Variants in UTP23 observed in about 807,000 individuals in gnomAD.
UTP23 encodes the protein UTP23 small subunit processome component.
A neutral mutation model predicts 19.8 loss-of-function variants in UTP23; 10 were observed. The ratio of observed to expected loss-of-function variants is 0.50; its 90% CI spans 0.31 to 0.86. The LOEUF is 0.86. UTP23 is among the 40% of genes least tolerant of loss of function. UTP23 has a pLI of 0.05. For synonymous variants in UTP23, 108 were observed against 105.4 expected, an observed-to-expected ratio of 1.02 and a Z score of -0.15; for missense variants, 282 against 293.1, an observed-to-expected ratio of 0.96 and a Z score of 0.28.
chr8:116,772,359 C>CA lies in UTP23; in HGVS notation c.*524dup. ...TCTTACAGTTCTAAAAGGCTTGTGACAAAAAAAGAGGCAGTCCCTCTTTCA... is the reference window on the plus strand; with the variant it reads ...TCTTACAGTTCTAAAAGGCTTGTGACAAAAAAAAGAGGCAGTCCCTCTTTCA... On this transcript the variant is annotated 3_prime_UTR_variant, in exon 3 of 3. Coordinates refer to ENST00000309822, the MANE Select transcript of UTP23 (RefSeq NM_032334.3). 4 of 983,916 alleles carry CA rather than the reference C, an allele frequency of 4.1e-6. No individual in the cohort carries two copies. The highest frequency in any genetic ancestry group is 4.8e-6 in the Non-Finnish European group (4 of 828,656). The allele number at this position is 983,916 out of a possible 1,614,324, so 60.9% of individuals were successfully genotyped here. A position where few individuals can be genotyped will look rare whatever the true frequency, so the allele number is the denominator to read the frequency against.
intron 1 of UTP23, among the ~76,000 whole-genome samples, chr8:116,768,394 A>G (rs367857759): frequency 1.5e-4 from 23 of 152,228 alleles, no homozygotes; most frequent in African/African-American, 5.3e-4. Flanking sequence ...TATATTCTAC[A>G]GCAATTTTTC....
Position 116,773,487 on chromosome 8 carries a change from A to G in UTP23, c.*1645A>G, listed in dbSNP as rs1815685818. On this transcript the variant is annotated 3_prime_UTR_variant, in exon 3 of 3. Coordinates refer to ENST00000309822, the MANE Select transcript of UTP23 (RefSeq NM_032334.3). ...CACTTTTTTATGAAGCAGTAATTATAGAAGTACTAAAAATTACAATGTATT... is the reference window on the plus strand; with the variant it reads ...CACTTTTTTATGAAGCAGTAATTATGGAAGTACTAAAAATTACAATGTATT... 1.0e-6 allele frequency: 1 copy of G among 984,266 alleles called. No individual in the cohort carries two copies. The highest frequency in any genetic ancestry group is 1.2e-6 in the Non-Finnish European group (1 of 828,846). 61.0% of individuals were successfully genotyped at this position (984,266 alleles called of 1,614,324 possible). A position where few individuals can be genotyped will look rare whatever the true frequency, so the allele number is the denominator to read the frequency against.
In UTP23 at chr8:116,771,956, T is replaced by C; in HGVS notation, c.*114T>C. 1 of 1,438,658 alleles carries C rather than the reference T, an allele frequency of 7.0e-7. No individual in the cohort carries two copies. The highest frequency in any genetic ancestry group is 1.7e-5 in the South Asian group (1 of 60,392). 89.1% of individuals were successfully genotyped at this position (1,438,658 alleles called of 1,614,324 possible). Reference sequence around the variant, plus strand: ...TGTAAATGAACCCATATGCTTTAGCTAAAATTAATTATAAAATAAAAACAG... The same window carrying C: ...TGTAAATGAACCCATATGCTTTAGCCAAAATTAATTATAAAATAAAAACAG... On this transcript the variant is annotated 3_prime_UTR_variant, in exon 3 of 3. Coordinates refer to ENST00000309822, the MANE Select transcript of UTP23 (RefSeq NM_032334.3).
chr8:116,767,579 C>CA (rs1181249438), intron 1 of UTP23, among the ~76,000 whole-genome samples: 1 of 152,136 alleles, frequency 6.6e-6, no homozygotes, highest in Non-Finnish European at 1.5e-5. Flanking sequence ...CATTTGAGCC[C>CA]ATTCACTTGT....
rs1586507101 is a variant in UTP23, at chr8:116,772,685, G to A, written c.*843G>A. On this transcript the variant is annotated 3_prime_UTR_variant, in exon 3 of 3. Transcript: ENST00000309822. ...TTAGATGTAAATGTTAACTTCAATAGCAAGAATTCAAAAATAATATTCTCT... is the reference window on the plus strand; with the variant it reads ...TTAGATGTAAATGTTAACTTCAATAACAAGAATTCAAAAATAATATTCTCT... The A allele has an allele frequency of 2.0e-6, 2 of 984,992 alleles. No homozygotes were observed. Among genetic ancestry groups the A allele is most frequent in the Non-Finnish European group, 2.4e-6 (2 of 829,630 alleles). The allele number at this position is 984,992 out of a possible 1,614,324, so 61.0% of individuals were successfully genotyped here.
At position 116,774,158 on chromosome 8, in the gene UTP23, A is replaced by G. The variant is rs548659141; in HGVS notation, c.*2316A>G. 2.9e-5 allele frequency: 29 copies of G among 985,418 alleles called. 1 individual carries two copies. The African/African-American group carries it at 4.5e-4, about 15-fold the overall frequency. 61.0% of individuals were successfully genotyped at this position (985,418 alleles called of 1,614,324 possible). A position where few individuals can be genotyped will look rare whatever the true frequency, so the allele number is the denominator to read the frequency against. ...CACTTTTGAACTCTGAAAGTTTGCCAATCTGAAAAGGGGTGTTTCTGAAGA... is the reference window on the plus strand; with the variant it reads ...CACTTTTGAACTCTGAAAGTTTGCCGATCTGAAAAGGGGTGTTTCTGAAGA... On this transcript the variant is annotated 3_prime_UTR_variant, in exon 3 of 3. Coordinates refer to ENST00000309822, the MANE Select transcript of UTP23 (RefSeq NM_032334.3).
In UTP23 at chr8:116,772,968, T is replaced by A; in HGVS notation, c.*1126T>A. On this transcript the variant is annotated 3_prime_UTR_variant, in exon 3 of 3. Coordinates refer to ENST00000309822, the MANE Select transcript of UTP23 (RefSeq NM_032334.3). Reference sequence around the variant, plus strand: ...CACACTAGAGCAGTGATTCTCAGTCTAACATTAGGTTATCATGATGACGTA... The same window carrying A: ...CACACTAGAGCAGTGATTCTCAGTCAAACATTAGGTTATCATGATGACGTA... 2 of 985,450 alleles carry A rather than the reference T, an allele frequency of 2.0e-6. No homozygotes were observed. Among genetic ancestry groups the A allele is most frequent in the Non-Finnish European group, 1.2e-6 (1 of 829,918 alleles). The allele number at this position is 985,450 out of a possible 1,614,324, so 61.0% of individuals were successfully genotyped here. A position where few individuals can be genotyped will look rare whatever the true frequency, so the allele number is the denominator to read the frequency against.
Position 116,770,268 on chromosome 8 carries a change from C to A in UTP23, c.265C>A (p.Arg89=), listed in dbSNP as rs754570586. The change falls in exon 2 of 3, where the codon CGA becomes AGA. Residue 89 remains arginine (R), a synonymous_variant. Coordinates refer to ENST00000309822, the MANE Select transcript of UTP23 (RefSeq NM_032334.3). ...AKLIAQKCQV[R]NCPHFKNAVS... ...ACTGATTGCACAAAAATGCCAAGTTCGAAATTGTCCTCATTTCAAGAATGC... is the reference window on the plus strand; with the variant it reads ...ACTGATTGCACAAAAATGCCAAGTTAGAAATTGTCCTCATTTCAAGAATGC... The A allele has an allele frequency of 6.2e-7, 1 of 1,613,986 alleles. No individual in the cohort carries two copies. Among genetic ancestry groups the A allele is most frequent in the Non-Finnish European group, 8.5e-7 (1 of 1,179,932 alleles).
At chr8:116,771,333 G>C in intron 2 of UTP23, 123 bp from the exon 3 acceptor site, 1 of 773,962 alleles carries the variant, frequency 1.3e-6, no homozygotes, top group Non-Finnish European at 1.9e-6. Context: ...ATGAATAAGT[G>C]AGGCTTACTC....
intron 1 of UTP23, among the ~76,000 whole-genome samples, chr8:116,768,539 T>C (rs1195519348): frequency 6.6e-6 from 1 of 152,248 alleles, no homozygotes; most frequent in East Asian, 1.9e-4. Flanking sequence ...TACTGATGGG[T>C]TGCTTTGGAG....
Position 116,773,135 on chromosome 8 carries a change from T to G in UTP23, c.*1293T>G. On this transcript the variant is annotated 3_prime_UTR_variant, in exon 3 of 3. Transcript: ENST00000309822. ...CCAAGGAGTGACACGTAGACTAATC[T>G]GGCAAGCCAAGGTAGTGTTTGGATT... 1 of 985,496 alleles carries G rather than the reference T, an allele frequency of 1.0e-6. No individual in the cohort carries two copies. 61.0% of individuals were successfully genotyped at this position (985,496 alleles called of 1,614,324 possible). A position where few individuals can be genotyped will look rare whatever the true frequency, so the allele number is the denominator to read the frequency against.
At chr8:116,768,683 G>C (rs1055202916) in intron 1 of UTP23, among the ~76,000 whole-genome samples, 17 of 152,034 alleles carry the variant, frequency 1.1e-4, no homozygotes, top group African/African-American at 4.1e-4. Flanking sequence ...ATTTATTTTT[G>C]AGATGGAGTC....
intron 1 of UTP23, among the ~76,000 whole-genome samples, chr8:116,768,747 C>G (rs1586504880): frequency 6.6e-6 from 1 of 152,296 alleles, no homozygotes; most frequent in African/African-American, 2.4e-5. Flanking sequence ...TCACTGCAGC[C>G]TCCGCCTCCC....
chr8:116,766,625 C>T lies in UTP23; in HGVS notation c.22C>T (p.His8Tyr). Residue 8 changes from histidine to tyrosine, a missense_variant, in exon 1 of 3, where the codon CAT becomes TAT. Physicochemically the swap from His to Tyr is moderately conservative, Grantham distance 83. Transcript: ENST00000309822. ...AGGCATGAAGATCACAAGGCAGAAA[C>T]ATGCCAAGAAGCATCTTGGCTTCTT... is the stretch of plus-strand genomic sequence containing the variant. MKITRQK[H>Y]AKKHLGFFRN... 6 of 1,613,538 alleles carry T rather than the reference C, an allele frequency of 3.7e-6. No homozygotes were observed. The highest frequency in any genetic ancestry group is 5.1e-6 in the Non-Finnish European group (6 of 1,179,734).
chr8:116,771,540 C>G lies in UTP23; in HGVS notation c.448C>G (p.Pro150Ala). ...TCAGAACACTATGGTTTTGGACAAA[C>G]CTTCTCCCAAAACAATTGCCTTTGT... is the stretch of plus-strand genomic sequence containing the variant. ...IIQNTMVLDK[P>A]SPKTIAFVKA... The change falls in exon 3 of 3, where the codon CCT (proline) becomes GCT (alanine). Residue 150 changes from proline (P) to alanine (A), a missense_variant. Coordinates refer to ENST00000309822, the MANE Select transcript of UTP23 (RefSeq NM_032334.3). 6.2e-7 allele frequency: 1 copy of G among 1,610,474 alleles called. No individual in the cohort carries two copies. Among genetic ancestry groups the G allele is most frequent in the South Asian group, 1.1e-5 (1 of 89,882 alleles).
intron 1 of UTP23, among the ~76,000 whole-genome samples, chr8:116,768,545 T>G (rs1815613789): frequency 1.3e-5 from 2 of 152,256 alleles, no homozygotes; most frequent in African/African-American, 4.8e-5. Flanking sequence ...TGGGTTGCTT[T>G]GGAGCATATT....
In UTP23 at chr8:116,773,388, T is replaced by A; in HGVS notation, c.*1546T>A. 4 of 978,184 alleles carry A rather than the reference T, an allele frequency of 4.1e-6. No individual in the cohort carries two copies. Among genetic ancestry groups the A allele is most frequent in the Non-Finnish European group, 4.9e-6 (4 of 823,298 alleles). 60.6% of individuals were successfully genotyped at this position (978,184 alleles called of 1,614,324 possible). Reference sequence around the variant, plus strand: ...AATACATTAAATTTAGGTATTACTCTTAATCTATTTCTACTTAGTCAGTGC... The same window carrying A: ...AATACATTAAATTTAGGTATTACTCATAATCTATTTCTACTTAGTCAGTGC... On this transcript the variant is annotated 3_prime_UTR_variant, in exon 3 of 3. Transcript: ENST00000309822.
At position 116,772,803 on chromosome 8, in the gene UTP23, GTC is replaced by G; in HGVS notation, c.*967_*968del. 1.0e-6 allele frequency: 1 copy of G among 985,402 alleles called. No individual in the cohort carries two copies. Among genetic ancestry groups the G allele is most frequent in the Non-Finnish European group, 1.2e-6 (1 of 829,924 alleles). The allele number at this position is 985,402 out of a possible 1,614,324, so 61.0% of individuals were successfully genotyped here. ...AGTTAGGAATTGAATAATGAAACGT[GTC>G]TCTCTGAATTCCCCCGGCAATTGTT... On this transcript the variant is annotated 3_prime_UTR_variant, in exon 3 of 3. Coordinates refer to ENST00000309822, the MANE Select transcript of UTP23 (RefSeq NM_032334.3).
chr8:116,771,828 G>A lies in UTP23; in HGVS notation c.736G>A (p.Ala246Thr). 6.3e-7 allele frequency: 1 copy of A among 1,577,320 alleles called. No homozygotes were observed. The highest frequency in any genetic ancestry group is 1.4e-5 in the African/African-American group (1 of 72,518). The change falls in exon 3 of 3, where the codon GCA becomes ACA. Residue 246 changes from alanine (A) to threonine (T), a missense_variant. Physicochemically the swap from Ala to Thr is moderately conservative, Grantham distance 58. Coordinates refer to ENST00000309822, the MANE Select transcript of UTP23 (RefSeq NM_032334.3). ...AAAAGTACTTTCTGAGAAGCAGAAT[G>A]CAGAAGGAGAATGAATCCTTTGGAT... Reference protein sequence around the residue: ...NPKVLSEKQNAEGE With the variant: ...NPKVLSEKQNTEGE
Sources: allele counts gnomAD v4.1 joint callset (sites outside exome capture counted in the v4.1 genomes callset), GRCh38; gene constraint gnomAD v4.1.1; transcripts MANE v1.5; gene names NCBI Gene and HGNC (gene_info 2026-07-23, HGNC 2026-07-21).